PRKG1: variants seen among roughly 807,000 people sequenced by gnomAD.
The protein encoded by PRKG1 is cGMP-dependent protein kinase 1.
A neutral mutation model predicts 88.1 loss-of-function variants in PRKG1; 35 were observed. The ratio of observed to expected loss-of-function variants is 0.40; its 90% CI spans 0.30 to 0.53. The LOEUF is 0.53. Ranked by LOEUF, PRKG1 falls within the 20% of genes least tolerant of loss-of-function variation. The pLI is 0.59. For missense variants in PRKG1, 540 were observed against 839.8 expected (o/e 0.64, Z 4.41); for synonymous variants, 303 against 292.5 (o/e 1.04, Z -0.37).
At chr10:51,344,081 G>A (rs1842060719) in intron 2 of PRKG1, among the ~76,000 whole-genome samples, 1 of 152,162 alleles carries the variant, frequency 6.6e-6, no homozygotes, top group African/African-American at 2.4e-5. Context: ...CTGAGACTGG[G>A]TAATTTATAA....
At chr10:51,545,767 A>G (rs1374037729) in intron 3 of PRKG1, among the ~76,000 whole-genome samples, 1 of 152,078 alleles carries the variant, frequency 6.6e-6, no homozygotes, top group Middle Eastern at 3.2e-3. Flanking sequence ...TATTACAAAC[A>G]TATATAGTCC....
chr10:51,688,563 T>TA (rs1190639970), intron 3 of PRKG1, among the ~76,000 whole-genome samples: 4 of 88,554 alleles, frequency 4.5e-5, no homozygotes, highest in African/African-American at 1.9e-4. Flanking sequence ...CCAGTAACAA[T>TA]CCTTTTTTTT....
chr10:51,965,740 A>C (rs1236754860), intron 5 of PRKG1, among the ~76,000 whole-genome samples: 2 of 152,206 alleles, frequency 1.3e-5, no homozygotes, highest in African/African-American at 4.8e-5. Context: ...ATATGAAAAA[A>C]ATTACAATTG....
At chr10:52,155,231 A>T (rs953440172) in intron 8 of PRKG1, among the ~76,000 whole-genome samples, 1 of 152,122 alleles carries the variant, frequency 6.6e-6, no homozygotes, top group African/African-American at 2.4e-5. Context: ...GAATCTCCAT[A>T]CTATTTTCCA....
chr10:52,159,348 C>T (rs1324860324), intron 8 of PRKG1, among the ~76,000 whole-genome samples: 7 of 151,456 alleles, frequency 4.6e-5, no homozygotes. Flanking sequence ...AAATCAAGGA[C>T]ACTTAAGAAG....
chr10:51,600,969 A>G (rs1838581422), intron 3 of PRKG1, among the ~76,000 whole-genome samples: 1 of 140,132 alleles, frequency 7.1e-6, no homozygotes, highest in African/African-American at 3.0e-5. Flanking sequence ...AGGAGGAAGA[A>G]GGAGAGAAAG....
intron 5 of PRKG1, among the ~76,000 whole-genome samples, chr10:51,932,197 G>GTT (rs1195459048): frequency 3.0e-5 from 4 of 133,534 alleles, no homozygotes; most frequent in African/African-American, 7.9e-5. Flanking sequence ...TTGGTTTGGT[G>GTT]TTTTTTTTTT....
chr10:51,667,004 G>C (rs528018051), intron 3 of PRKG1, among the ~76,000 whole-genome samples: 27 of 151,980 alleles, frequency 1.8e-4, no homozygotes, highest in African/African-American at 6.3e-4. Flanking sequence ...CACCATGTTG[G>C]TTGGCCAGGC....
At chr10:51,994,338 G>A (rs1437828775) in intron 5 of PRKG1, among the ~76,000 whole-genome samples, 1 of 152,070 alleles carries the variant, frequency 6.6e-6, no homozygotes, top group African/African-American at 2.4e-5. Context: ...TCTCCTCGTG[G>A]CCCTATATTG....
chr10:52,285,165 T>C (rs182553173), intron 14 of PRKG1, among the ~76,000 whole-genome samples: 1 of 152,088 alleles, frequency 6.6e-6, no homozygotes, highest in East Asian at 1.9e-4. Context: ...CCTTTCTTAC[T>C]GATTTTGCTC....
intron 2 of PRKG1, among the ~76,000 whole-genome samples, chr10:51,394,602 G>A (rs1166981325): frequency 2.0e-5 from 3 of 152,212 alleles, no homozygotes; most frequent in African/African-American, 4.8e-5. Flanking sequence ...CCACAAAGTA[G>A]ATAGGGAAAT....
rs963172872 is a variant in PRKG1 at position 51,746,264 on chromosome 10, ATGT to A, written c.593-58317_593-58315del. ...CAAACCGAACAAGCAACCTGTGTAG[ATGT>A]TGTAAGCAATTTGGTCGTCAAATTA... On this transcript the variant is annotated intron_variant, in intron 3 of 17. Transcript: ENST00000373980. 1.3e-4 allele frequency among the ~76,000 whole-genome samples: 20 copies of A among 151,778 alleles called. No individual in the cohort carries two copies. The East Asian group carries it at 3.9e-3, about 30-fold the overall frequency.
At chr10:51,819,061 T>TAAATTATA (rs1839674556) in intron 4 of PRKG1, among the ~76,000 whole-genome samples, 2 of 99,360 alleles carry the variant, frequency 2.0e-5, no homozygotes, top group Admixed American at 1.0e-4. Flanking sequence ...AGAGGCTGGA[T>TAAATTATA]AAATTATAAA....
At position 51,673,248 on chromosome 10, in the gene PRKG1, G is replaced by A. The variant is rs369392985; in HGVS notation, c.593-131337G>A. 3.3e-5 allele frequency among the ~76,000 whole-genome samples: 5 copies of A among 152,240 alleles called. No individual in the cohort carries two copies. The East Asian group carries it at 7.7e-4, about 24-fold the overall frequency. On this transcript the variant is annotated intron_variant, in intron 3 of 17. Transcript: ENST00000373980. ...AATAAAATATGAAAGGTGGTGACAA[G>A]TGCTAAGAAGAAAAATTAAGTGAAA...
intron 2 of PRKG1, among the ~76,000 whole-genome samples, chr10:51,178,722 C>G (rs1400324192): frequency 6.6e-6 from 1 of 151,888 alleles, no homozygotes; most frequent in Non-Finnish European, 1.5e-5. Flanking sequence ...GGAAGTTGGC[C>G]TGAGACATAT....
intron 9 of PRKG1, among the ~76,000 whole-genome samples, chr10:52,249,430 A>C (rs1841116040): frequency 6.6e-6 from 1 of 152,000 alleles, no homozygotes; most frequent in Non-Finnish European, 1.5e-5. Flanking sequence ...GCACCTCCAG[A>C]AATTTCTCAT....
chr10:51,543,045 T>A (rs947873232), intron 3 of PRKG1, among the ~76,000 whole-genome samples: 9 of 152,176 alleles, frequency 5.9e-5, no homozygotes, highest in African/African-American at 1.9e-4. Flanking sequence ...CTGAGTCAGA[T>A]ATGTATTACT....
chr10:52,280,951 C>G lies in PRKG1; in HGVS notation c.1545+21C>G, dbSNP rs373157200. Reference sequence around the variant, plus strand: ...AACTGGTCAGTGCATTTCATACGTGCTTTCTGCCCTGCAGATTAAAAATAT... The same window carrying G: ...AACTGGTCAGTGCATTTCATACGTGGTTTCTGCCCTGCAGATTAAAAATAT... On this transcript the variant is annotated intron_variant, in intron 13 of 17. Transcript: ENST00000373980. The G allele has an allele frequency of 3.7e-6, 6 of 1,602,618 alleles. No homozygotes were observed. The African/African-American group carries it at 8.1e-5, about 22-fold the overall frequency.
intron 3 of PRKG1, among the ~76,000 whole-genome samples, chr10:51,564,618 A>G (rs1837553767): frequency 1.3e-5 from 2 of 152,118 alleles, no homozygotes; most frequent in African/African-American, 4.8e-5. Context: ...AATCAATAGT[A>G]GGCTTCAAGA....
Sources: allele counts gnomAD v4.1 joint callset (sites outside exome capture counted in the v4.1 genomes callset), GRCh38; gene constraint gnomAD v4.1.1; transcripts MANE v1.5; gene names NCBI Gene and HGNC (gene_info 2026-07-23, HGNC 2026-07-21).